Variants in FABP12 observed in about 807,000 individuals in gnomAD.
The protein encoded by FABP12 is fatty acid-binding protein 12.
FABP12 carries 19 observed loss-of-function variants against 13.7 expected under a neutral mutation model. The observed-to-expected ratio is 1.39, with a 90% CI of 0.97 to 2.04. FABP12 has a LOEUF of 2.04. FABP12 is among the 30% of genes most tolerant of loss of function. FABP12 has a pLI of 0.00. For synonymous variants in FABP12, 61 were observed against 57.0 expected (o/e 1.07, Z -0.32); for missense variants, 182 against 164.2 (o/e 1.11, Z -0.59).
At chr8:81,536,535 T>C (rs756186416), upstream of FABP12, among the ~76,000 whole-genome samples, 13 of 152,220 alleles carry the variant, frequency 8.5e-5, no homozygotes, top group Admixed American at 1.3e-4. Context: ...CCTTACTCAT[T>C]TGCAACTAAT....
chr8:81,575,342 T>C (rs1214178246), intron 1 of FABP12, among the ~76,000 whole-genome samples: 1 of 152,222 alleles, frequency 6.6e-6, no homozygotes, highest in Non-Finnish European at 1.5e-5. Context: ...TCAATTTTCA[T>C]GAATTGATTG....
intron 1 of FABP12, among the ~76,000 whole-genome samples, chr8:81,541,441 G>A (rs1563546887): frequency 1.3e-5 from 2 of 151,990 alleles, no homozygotes; most frequent in African/African-American, 2.4e-5. Context: ...TATCAGTTTC[G>A]ATTATTGAGC....
At chr8:81,558,664 G>A (rs1236257969) in intron 1 of FABP12, among the ~76,000 whole-genome samples, 1 of 152,092 alleles carries the variant, frequency 6.6e-6, no homozygotes, top group East Asian at 1.9e-4. Flanking sequence ...GGCCGAGGCG[G>A]GCAGATTGTG....
At chr8:81,555,991 G>A (rs989541690) in intron 1 of FABP12, among the ~76,000 whole-genome samples, 2 of 151,992 alleles carry the variant, frequency 1.3e-5, no homozygotes, top group African/African-American at 4.8e-5. Context: ...TGATTTTTAG[G>A]GGATCATGGG....
intron 1 of FABP12, among the ~76,000 whole-genome samples, chr8:81,565,915 A>C (rs796103955): frequency 1.5e-4 from 23 of 152,062 alleles, no homozygotes; most frequent in South Asian, 4.1e-4. Context: ...TAAAATCAAC[A>C]AACCTTTACT....
chr8:81,567,205 A>C (rs1007740198), intron 1 of FABP12, among the ~76,000 whole-genome samples: 7 of 152,226 alleles, frequency 4.6e-5, no homozygotes, highest in Non-Finnish European at 1.0e-4. Flanking sequence ...AAGAATCAAG[A>C]TTGTTAAAAT....
chr8:81,555,397 G>T (rs963893293), intron 1 of FABP12, among the ~76,000 whole-genome samples: 1 of 152,088 alleles, frequency 6.6e-6, no homozygotes, highest in African/African-American at 2.4e-5. Context: ...ATTGTTTTTA[G>T]AAATTTTTAA....
intron 1 of FABP12, among the ~76,000 whole-genome samples, chr8:81,557,671 T>G (rs1020932421): frequency 6.6e-6 from 1 of 152,240 alleles, no homozygotes. Flanking sequence ...TACAGGGAAC[T>G]CCTAGCTGAC....
intron 1 of FABP12, among the ~76,000 whole-genome samples, chr8:81,586,815 T>A (rs1810246060): frequency 6.6e-6 from 1 of 152,210 alleles, no homozygotes; most frequent in Non-Finnish European, 1.5e-5. Context: ...CCCACATCAA[T>A]TTTTGTTTTT....
intron 1 of FABP12, among the ~76,000 whole-genome samples, chr8:81,584,100 C>G (rs563796880): frequency 6.6e-6 from 1 of 152,272 alleles, no homozygotes; most frequent in East Asian, 1.9e-4. Flanking sequence ...ATATAATCAT[C>G]TCAATGGACA....
chr8:81,554,390 G>A (rs888412234), intron 1 of FABP12, among the ~76,000 whole-genome samples: 2 of 152,294 alleles, frequency 1.3e-5, no homozygotes, highest in African/African-American at 4.8e-5. Context: ...ATCAGAGATT[G>A]TGGGGGATTT....
intron 1 of FABP12, among the ~76,000 whole-genome samples, chr8:81,570,966 C>T (rs1019223145): frequency 2.0e-5 from 3 of 152,010 alleles, no homozygotes; most frequent in African/African-American, 7.2e-5. Context: ...CCCAGGAGCC[C>T]GTATGCCTCC....
chr8:81,566,388 C>T (rs1809820413), intron 1 of FABP12, among the ~76,000 whole-genome samples: 1 of 152,048 alleles, frequency 6.6e-6, no homozygotes, highest in African/African-American at 2.4e-5. Context: ...AAGCCAATAT[C>T]TGTGATGAAC....
chr8:81,564,745 A>G (rs183954218), intron 1 of FABP12, among the ~76,000 whole-genome samples: 603 of 152,202 alleles, frequency 4.0e-3, no homozygotes, highest in Middle Eastern at 0.031. Flanking sequence ...AATCACCTTC[A>G]CTAAAAGGAA....
At chr8:81,527,705 T>A (rs1808944199) in intron 3 of FABP12, among the ~76,000 whole-genome samples, 1 of 152,164 alleles carries the variant, frequency 6.6e-6, no homozygotes, top group Admixed American at 6.5e-5. Context: ...CAGAGTATTA[T>A]CTTTTTGCAT....
chr8:81,527,865 G>A (rs540839172), intron 3 of FABP12, among the ~76,000 whole-genome samples: 12 of 152,120 alleles, frequency 7.9e-5, no homozygotes, highest in African/African-American at 2.9e-4. Context: ...AAGTTGAGGT[G>A]GGAGAATCAC....
At chr8:81,525,246 T>C in intron 4 of FABP12, 126 bp from the exon 5 acceptor site, 3 of 630,580 alleles carry the variant, frequency 4.8e-6, no homozygotes, top group Non-Finnish European at 8.1e-6. Context: ...CCGGGCGCGG[T>C]GGCTCACACC....
At chr8:81,562,876 G>T (rs1297888912) in intron 1 of FABP12, among the ~76,000 whole-genome samples, 1 of 152,204 alleles carries the variant, frequency 6.6e-6, no homozygotes, top group Non-Finnish European at 1.5e-5. Context: ...TACAAGCCTG[G>T]TTGGCTTCAC....
At chr8:81,528,596 T>G (rs183484143) in intron 3 of FABP12, among the ~76,000 whole-genome samples, 6 of 152,282 alleles carry the variant, frequency 3.9e-5, no homozygotes, top group African/African-American at 1.4e-4. Context: ...AAATAATAAA[T>G]ATTTATTGAA....
Sources: gnomAD v4.1 joint callset for allele counts (sites outside exome capture counted in the v4.1 genomes callset) on GRCh38, gnomAD v4.1.1 for gene constraint, MANE v1.5 for transcripts, NCBI Gene and HGNC (gene_info 2026-07-23, HGNC 2026-07-21) for gene names.